PAQR5: variants seen among roughly 807,000 people sequenced by gnomAD.
PAQR5 encodes the protein progestin and adipoQ receptor family member 5.
A neutral mutation model predicts 34.5 loss-of-function variants in PAQR5; 20 were observed. The observed-to-expected ratio is 0.58, with a 90% confidence interval of 0.41 to 0.84. PAQR5 has a LOEUF of 0.84. Among genes scored for constraint, PAQR5 ranks in the 40% least tolerant of loss-of-function variants. The probability of loss-of-function intolerance (pLI) is 0.00; values close to 1 mark genes in which losing one functional copy is unlikely to be tolerated. For missense variants in PAQR5, 378 were observed against 412.7 expected, an observed-to-expected ratio of 0.92 and a Z score of 0.73; for synonymous variants, 131 against 155.6, an observed-to-expected ratio of 0.84 and a Z score of 1.18.
At chr15:69,344,662 G>C (rs901319786) in intron 2 of PAQR5, among the ~76,000 whole-genome samples, 3 of 152,248 alleles carry the variant, frequency 2.0e-5, no homozygotes, top group Admixed American at 2.0e-4. Context: ...AGCATTAAAT[G>C]CAGCTTTAAA....
At chr15:69,324,116 G>T (rs1377579365) in intron 1 of PAQR5, among the ~76,000 whole-genome samples, 1 of 133,190 alleles carries the variant, frequency 7.5e-6, no homozygotes, top group Non-Finnish European at 1.6e-5. Context: ...TAGAATAGCT[G>T]GGATAGCTAG....
intron 1 of PAQR5, among the ~76,000 whole-genome samples, chr15:69,326,478 C>T (rs2054254039): frequency 6.7e-6 from 1 of 148,570 alleles, no homozygotes; most frequent in Admixed American, 6.8e-5. Flanking sequence ...CTCTGTTGCA[C>T]AGTCTGGAGT....
intron 1 of PAQR5, among the ~76,000 whole-genome samples, chr15:69,313,641 G>A (rs1448652062): frequency 6.6e-6 from 1 of 151,704 alleles, no homozygotes; most frequent in East Asian, 1.9e-4. Flanking sequence ...AAAGGGGAAG[G>A]AAGAGAAAAG....
intron 1 of PAQR5, among the ~76,000 whole-genome samples, chr15:69,336,346 T>A (rs2054515410): frequency 6.6e-6 from 1 of 152,216 alleles, no homozygotes; most frequent in South Asian, 2.1e-4. Context: ...TTATTTGACA[T>A]AAAAATCATA....
intron 1 of PAQR5, among the ~76,000 whole-genome samples, chr15:69,322,543 CAGG>C (rs2054121533): frequency 7.0e-6 from 1 of 143,306 alleles, no homozygotes; most frequent in Non-Finnish European, 1.5e-5. Context: ...CCAAGCTACT[CAGG>C]AGGGAGGCTG....
chr15:69,346,297 ATTTTTT>A (rs34728909), intron 2 of PAQR5, among the ~76,000 whole-genome samples: 27 of 81,494 alleles, frequency 3.3e-4, no homozygotes, highest in East Asian at 1.4e-3. Flanking sequence ...ATATTTTGTA[ATTTTTT>A]TTTTTTTTTT....
chr15:69,322,748 A>G (rs61531917), intron 1 of PAQR5, among the ~76,000 whole-genome samples: 322 of 26,434 alleles, frequency 0.012, 28 homozygotes, highest in East Asian at 0.085. Context: ...AAGAAGAAGA[A>G]GAAGAAGAAG....
At chr15:69,388,074 G>A (rs760850956) in intron 5 of PAQR5, among the ~76,000 whole-genome samples, 1 of 152,070 alleles carries the variant, frequency 6.6e-6, no homozygotes, top group African/African-American at 2.4e-5. Context: ...GGAACATCTA[G>A]TCCACTGAGA....
intron 1 of PAQR5, among the ~76,000 whole-genome samples, chr15:69,309,324 C>T (rs777619289): frequency 3.3e-5 from 5 of 152,160 alleles, no homozygotes; most frequent in African/African-American, 9.7e-5. Flanking sequence ...GCTCCAGGCG[C>T]AGGGCATGGG....
At chr15:69,355,213 A>G (rs1394228197) in intron 2 of PAQR5, among the ~76,000 whole-genome samples, 1 of 151,098 alleles carries the variant, frequency 6.6e-6, no homozygotes, top group Non-Finnish European at 1.5e-5. Flanking sequence ...CTACCTATCT[A>G]CCTATCTACT....
chr15:69,384,038 A>G (rs1445358716), intron 4 of PAQR5, among the ~76,000 whole-genome samples: 2 of 97,658 alleles, frequency 2.0e-5, no homozygotes, highest in African/African-American at 8.5e-5. Flanking sequence ...CTCTGTGCTC[A>G]TGGTGGAGGG....
chr15:69,369,309 G>A (rs551764085), intron 3 of PAQR5, among the ~76,000 whole-genome samples: 291 of 152,292 alleles, frequency 1.9e-3, no homozygotes, highest in Admixed American at 7.7e-3. Flanking sequence ...GCCAAGGCAG[G>A]TGGATCACCT....
rs188381834 is a variant in PAQR5, at chr15:69,310,941, A to G, written c.-277+11885A>G. Among the ~76,000 whole-genome samples the G allele has an allele frequency of 3.8e-3, 536 of 140,988 alleles. 5 individuals carry two copies. The highest frequency in any genetic ancestry group is 0.013 in the African/African-American group (502 of 38,612). The allele number at this position is 140,988 out of a possible 152,430, so 92.5% of individuals were successfully genotyped here. On this transcript the variant is annotated intron_variant, in intron 1 of 8. Transcript: ENST00000395407. ...GTAGTCCCAGCTACTCGGGAGGCTG[A>G]GGCAGGAGAATGGTGTGAACCCGGG... is the stretch of plus-strand genomic sequence containing the variant.
intron 2 of PAQR5, among the ~76,000 whole-genome samples, chr15:69,345,480 A>T (rs1024307575): frequency 2.6e-5 from 4 of 152,072 alleles, no homozygotes; most frequent in African/African-American, 9.7e-5. Flanking sequence ...TTATGGATGG[A>T]CCCCTAGCCT....
At chr15:69,398,267 AAG>A (rs1487353470) in intron 7 of PAQR5, among the ~76,000 whole-genome samples, 1 of 152,172 alleles carries the variant, frequency 6.6e-6, no homozygotes, top group Non-Finnish European at 1.5e-5. Context: ...AGCATAAAGG[AAG>A]AGAGTGTAGG....
At chr15:69,365,591 T>C (rs2140869914) in intron 3 of PAQR5, among the ~76,000 whole-genome samples, 1 of 152,304 alleles carries the variant, frequency 6.6e-6, no homozygotes, top group East Asian at 1.9e-4. Flanking sequence ...TAGAGTCAGT[T>C]AGCTAATATT....
At chr15:69,377,964 C>A (rs541426040) in intron 3 of PAQR5, among the ~76,000 whole-genome samples, 1 of 151,866 alleles carries the variant, frequency 6.6e-6, no homozygotes, top group Non-Finnish European at 1.5e-5. Flanking sequence ...CCTGTCTCTG[C>A]AAAAAATAAA....
chr15:69,301,098 G>A (rs2053596127), intron 1 of PAQR5, among the ~76,000 whole-genome samples: 1 of 150,900 alleles, frequency 6.6e-6, no homozygotes, highest in Non-Finnish European at 1.5e-5. Context: ...CCGCCTCCCG[G>A]GTTCAAGCAA....
chr15:69,393,942 T>C (rs1008779393), intron 6 of PAQR5, among the ~76,000 whole-genome samples: 2 of 152,130 alleles, frequency 1.3e-5, no homozygotes, highest in African/African-American at 4.8e-5. Flanking sequence ...GCGTGCCCTC[T>C]TCGTGGTTCT....
Sources: allele counts gnomAD v4.1 joint callset (sites outside exome capture counted in the v4.1 genomes callset), GRCh38; gene constraint gnomAD v4.1.1; transcripts MANE v1.5; gene names NCBI Gene and HGNC (gene_info 2026-07-23, HGNC 2026-07-21).